Variants in NPC1L1 observed in about 807,000 individuals in gnomAD.
NPC1L1 encodes NPC1 like intracellular cholesterol transporter 1.
Under a neutral mutation model 117.0 loss-of-function variants are expected in NPC1L1, and 98 were observed. The ratio of observed to expected loss-of-function variants is 0.84; its 90% CI spans 0.71 to 0.99. The LOEUF is 0.99. Among genes scored for constraint, NPC1L1 ranks in the 50% least tolerant of loss-of-function variants. The pLI is 0.00. For missense variants in NPC1L1, 1,540 were observed against 1,710.0 expected (o/e 0.90, Z 1.75); for synonymous variants, 729 against 727.6 (o/e 1.00, Z -0.03).
At chr7:44,531,543 T>C (rs1801698765) in intron 10 of NPC1L1, among the ~76,000 whole-genome samples, 1 of 152,208 alleles carries the variant, frequency 6.6e-6, no homozygotes, top group Admixed American at 6.5e-5. Context: ...TCTCTCTTAC[T>C]GTGGCCTGGG....
chr7:44,536,853 C>A lies in NPC1L1; in HGVS notation c.1670G>T (p.Gly557Val). ...GAPVFPFLAI[G>V]GYKGKDYSEA... ...CCCACTTAGCTTACCTTTGTACCCCCCAATGGCAAGGAAGGGGAAGACAGG... is the reference window on the plus strand; with the variant it reads ...CCCACTTAGCTTACCTTTGTACCCCACAATGGCAAGGAAGGGGAAGACAGG... Residue 557 changes from glycine to valine, a missense_variant, in exon 3 of 19, where the codon GGG (glycine) becomes GTG (valine). Transcript: ENST00000381160. The surrounding 1 kb of genome is among the most constrained non-coding windows in gnomAD (Gnocchi z 4.7). The A allele has an allele frequency of 5.0e-6, 8 of 1,613,902 alleles. No homozygotes were observed. Among genetic ancestry groups the A allele is most frequent in the African/African-American group, 2.7e-5 (2 of 75,050 alleles).
intron 10 of NPC1L1, among the ~76,000 whole-genome samples, chr7:44,529,551 T>C (rs1053355816): frequency 6.6e-6 from 1 of 151,800 alleles, no homozygotes; most frequent in African/African-American, 2.4e-5. Context: ...GTTAACTTTG[T>C]ATTTTTAGTA....
chr7:44,540,557 C>T (rs915264606), intron 1 of NPC1L1, among the ~76,000 whole-genome samples: 4 of 152,056 alleles, frequency 2.6e-5, no homozygotes, highest in Non-Finnish European at 5.9e-5. Context: ...GCCTGATAGA[C>T]CTGCAGCTTA....
At position 44,522,227 on chromosome 7, in the gene NPC1L1, C is replaced by A; in HGVS notation, c.2653G>T (p.Asp885Tyr). ...LALPKDSYLL[D>Y]YFLFLNRYFE... ...TAGCGGTTCAGAAAGAGGAAATAGT[C>A]AAGCAGGTACGAGTCCTAGGAGTGG... The change falls in exon 11 of 19, where the codon GAC becomes TAC. Residue 885 changes from aspartate (D) to tyrosine (Y), a missense_variant. Asp to Tyr is a radical substitution (Grantham distance 160). Around this residue, in one of 3 missense-constraint regions of NPC1L1, gnomAD observed 742 missense variants for 873.6 expected, o/e 0.85. Coordinates refer to ENST00000381160, the MANE Select transcript of NPC1L1 (RefSeq NM_001101648.2). The A allele has an allele frequency of 6.2e-7, 1 of 1,613,232 alleles. No individual in the cohort carries two copies. Among genetic ancestry groups the A allele is most frequent in the South Asian group, 1.1e-5 (1 of 90,924 alleles).
At position 44,534,232 on chromosome 7, in the gene NPC1L1, G is replaced by T. The variant is rs1801792350; in HGVS notation, c.2166+215C>A. 6.6e-6 allele frequency among the ~76,000 whole-genome samples: 1 copy of T among 152,198 alleles called. No individual in the cohort carries two copies. The highest frequency in any genetic ancestry group is 2.4e-5 in the African/African-American group (1 of 41,448). ...GAGGTTTTACTAGACATTGCAAGGG[G>T]TTAACAGAAAGCTAATTCCAGATGG... On this transcript the variant is annotated intron_variant, in intron 6 of 18. Transcript: ENST00000381160. This position sits in a 1 kb window ranked among gnomAD's most constrained non-coding sequence, Gnocchi z 5.2.
chr7:44,538,793 G>A lies in NPC1L1; in HGVS notation c.1580+24C>T, dbSNP rs759894150. 1 of 1,612,766 alleles carries A rather than the reference G, an allele frequency of 6.2e-7. No homozygotes were observed. Among genetic ancestry groups the A allele is most frequent in the African/African-American group, 1.3e-5 (1 of 75,024 alleles). On this transcript the variant is annotated intron_variant, in intron 2 of 18. Transcript: ENST00000381160. This position sits in a 1 kb window ranked among gnomAD's most constrained non-coding sequence, Gnocchi z 5.9. ...CAGCCCCAGCCCCAGCCCACTCCTCGCTTGGGCCCCACCATGGACTCACTT... is the reference window on the plus strand; with the variant it reads ...CAGCCCCAGCCCCAGCCCACTCCTCACTTGGGCCCCACCATGGACTCACTT...
rs374049578 is a variant in NPC1L1 at position 44,540,211 on chromosome 7, C to T, written c.186G>A (p.Pro62=). Residue 62 remains proline (P), a synonymous_variant, in exon 2 of 19, where the codon CCG becomes CCA. Transcript: ENST00000381160. ...LSNVSCLSNT[P]ARKITGDHLI... is the part of the protein sequence containing the mutation. ...GGTGATCACCTGTGATCTTGCGGGC[C>T]GGCGTGTTGGACAGGCAGGACACGT... The T allele has an allele frequency of 3.3e-5, 53 of 1,614,034 alleles. No individual in the cohort carries two copies. Among genetic ancestry groups the T allele is most frequent in the African/African-American group, 9.3e-5 (7 of 74,982 alleles).
Position 44,515,911 on chromosome 7 carries a change from C to A in NPC1L1, c.3688G>T (p.Ala1230Ser), listed in dbSNP as rs148506506. 77 of 1,614,072 alleles carry A rather than the reference C, an allele frequency of 4.8e-5. No individual in the cohort carries two copies. In the African/African-American group the frequency reaches 9.1e-4, roughly 19 times the overall value. ...NLPGILVLGL[A>S]KAQLIQIFFF... ...AAGATCTGAATGAGCTGGGCCTTGG[C>A]GAGGCCCAGGACAAGGATGCCAGGC... The change falls in exon 18 of 19, where the codon GCC becomes TCC. Residue 1230 changes from alanine to serine, a missense_variant. Ala to Ser is a moderately conservative substitution (Grantham distance 99). Coordinates refer to ENST00000381160, the MANE Select transcript of NPC1L1 (RefSeq NM_001101648.2).
intron 5 of NPC1L1, among the ~76,000 whole-genome samples, chr7:44,535,106 A>G (rs985946685): frequency 5.9e-5 from 9 of 152,078 alleles, no homozygotes; most frequent in African/African-American, 2.2e-4. Context: ...CGGACGTGGT[A>G]GCTCACGCAT....
chr7:44,536,308 C>A lies in NPC1L1; in HGVS notation c.1802G>T (p.Arg601Leu), dbSNP rs767641944. The part of the protein sequence containing the change: ...LWEEAFLEEM[R>L]AFQRRMAGMF... ...GCCAGCCATCCGACGCTGGAAGGCTCGCATTTCCTCTAAGAAGGCCTCCTC... is the reference window on the plus strand; with the variant it reads ...GCCAGCCATCCGACGCTGGAAGGCTAGCATTTCCTCTAAGAAGGCCTCCTC... Residue 601 changes from arginine to leucine, a missense_variant, in exon 4 of 19, where the codon CGA becomes CTA. Arg to Leu is a moderately radical substitution (Grantham distance 102). Around this residue, in one of 3 missense-constraint regions of NPC1L1, gnomAD observed 793 missense variants for 820.4 expected, o/e 0.97. Transcript: ENST00000381160. This position sits in a 1 kb window ranked among gnomAD's most constrained non-coding sequence, Gnocchi z 4.7. 23 of 1,614,232 alleles carry A rather than the reference C, an allele frequency of 1.4e-5. No homozygotes were observed. The South Asian group carries it at 2.5e-4, about 18-fold the overall frequency.
In NPC1L1 at chr7:44,538,135, G is replaced by A. The variant is rs186952349; in HGVS notation, c.1580+682C>T. On this transcript the variant is annotated intron_variant, in intron 2 of 18. Transcript: ENST00000381160. The surrounding 1 kb of genome is among the most constrained non-coding windows in gnomAD (Gnocchi z 5.9). ...TGCTCTGGAGTATGGAGTACTAAAC[G>A]TTCATCTTGAGGACCTCTGCTCTAC... 3.9e-5 allele frequency among the ~76,000 whole-genome samples: 6 copies of A among 152,342 alleles called. No individual in the cohort carries two copies. Among genetic ancestry groups the A allele is most frequent in the East Asian group, 1.9e-4 (1 of 5,188 alleles).
chr7:44,533,146 ACAGT>A, intron 8 of NPC1L1: 2 of 353,774 alleles, frequency 5.7e-6, no homozygotes, highest in Non-Finnish European at 5.4e-6. Flanking sequence ...AACTGCTTAG[ACAGT>A]CGGTGCCCTA....
chr7:44,514,773 G>A (rs192077457), intron 18 of NPC1L1, among the ~76,000 whole-genome samples: 103 of 151,096 alleles, frequency 6.8e-4, no homozygotes, highest in African/African-American at 1.8e-3. Flanking sequence ...AGGCCTTGGC[G>A]GTTGGATCAC....
intron 7 of NPC1L1, 50 bp downstream of exon 7, chr7:44,533,689 A>G: frequency 6.2e-7 from 1 of 1,608,842 alleles, no homozygotes; most frequent in East Asian, 2.2e-5. Context: ...AGGCCCCGGC[A>G]CTAACCCAGC....
At position 44,531,769 on chromosome 7, in the gene NPC1L1, G is replaced by A. The variant is rs1252848151; in HGVS notation, c.2623C>T (p.Leu875=). 10 of 1,579,130 alleles carry A rather than the reference G, an allele frequency of 6.3e-6. No individual in the cohort carries two copies. The South Asian group carries it at 1.2e-4, about 18-fold the overall frequency. The change falls in exon 10 of 19, where the codon CTG becomes TTG. Residue 875 remains leucine, a synonymous_variant. Coordinates refer to ENST00000381160, the MANE Select transcript of NPC1L1 (RefSeq NM_001101648.2). ...CCTGGGCTCACCTTGGGCAGGGCCA[G>A]CTCCTGGTCCAGTCCCACGCTGATG... is the stretch of plus-strand genomic sequence containing the variant. The part of the protein sequence containing the change: ...CHISVGLDQE[L]ALPKDSYLLD...
At chr7:44,521,571 G>A (rs1376243419) in intron 12 of NPC1L1, 141 bp downstream of exon 12, 2 of 1,361,216 alleles carry the variant, frequency 1.5e-6, no homozygotes, top group Non-Finnish European at 2.1e-6. Context: ...TGTCCCTCAG[G>A]CCACATCTGC....
intron 10 of NPC1L1, 35 bp from the exon 11 acceptor site, chr7:44,522,277 G>C (rs747838710): frequency 6.3e-7 from 1 of 1,588,412 alleles, no homozygotes. Context: ...GCTTTGGTTC[G>C]CTATGCACAC....
At chr7:44,533,673 A>G in intron 7 of NPC1L1, 66 bp downstream of exon 7, 1 of 1,606,896 alleles carries the variant, frequency 6.2e-7, no homozygotes. Flanking sequence ...CCCTCTGGGA[A>G]CTCCTAGGCC....
At position 44,539,650 on chromosome 7, in the gene NPC1L1, G is replaced by T. The variant is rs148698796; in HGVS notation, c.747C>A (p.Asp249Glu). Residue 249 changes from aspartate (D) to glutamate (E), a missense_variant, in exon 2 of 19, where the codon GAC becomes GAA. Physicochemically the swap from Asp to Glu is conservative, Grantham distance 45. Transcript: ENST00000381160. This position sits in a 1 kb window ranked among gnomAD's most constrained non-coding sequence, Gnocchi z 4.4. Reference sequence around the variant, plus strand: ...CTTGGCAGGAGCAGGTCGCCACGTCGTCACCTTGGGACTCATTGCAACGTG... The same window carrying T: ...CTTGGCAGGAGCAGGTCGCCACGTCTTCACCTTGGGACTCATTGCAACGTG... ...GVARCNESQG[D>E]DVATCSCQDC... is the part of the protein sequence containing the mutation. 6.2e-7 allele frequency: 1 copy of T among 1,613,728 alleles called. No individual in the cohort carries two copies.
Sources: allele counts gnomAD v4.1 joint callset (sites outside exome capture counted in the v4.1 genomes callset), GRCh38; gene constraint gnomAD v4.1.1; regional missense constraint gnomAD v4.1.1; non-coding constraint Gnocchi (gnomAD v3.1); transcripts MANE v1.5; gene names NCBI Gene and HGNC (gene_info 2026-07-23, HGNC 2026-07-21).